The following KANK1 variants were observed in gnomAD, a reference collection of about 807,000 sequenced individuals.
KANK1 encodes KN motif and ankyrin repeat domains 1.
KANK1 carries 109 observed loss-of-function variants against 106.2 expected under a neutral mutation model. The ratio of observed to expected loss-of-function variants is 1.03; its 90% CI spans 0.88 to 1.20. The LOEUF (loss-of-function observed/expected upper bound fraction) is 1.20. Ranked by LOEUF, KANK1 falls within the 50% of genes most tolerant of loss-of-function variation. The pLI is 0.00. For missense variants in KANK1, 2,399 were observed against 1,710.7 expected (o/e 1.40, Z -7.10); for synonymous variants, 873 against 652.2 (o/e 1.34, Z -5.16).
chr9:590,393 A>C (rs1824552829), intron 1 of KANK1, among the ~76,000 whole-genome samples: 1 of 152,160 alleles, frequency 6.6e-6, no homozygotes, highest in African/African-American at 2.4e-5. Context: ...ATCCAACTCC[A>C]GTCTACGCTG....
At chr9:476,446 G>A (rs540478832) in intron 3 of KANK1, among the ~76,000 whole-genome samples, 20 of 151,528 alleles carry the variant, frequency 1.3e-4, no homozygotes, top group African/African-American at 3.4e-4. Flanking sequence ...GCTTGAACCC[G>A]GGAGGCAGAG....
At chr9:644,938 T>C (rs1355710210) in intron 1 of KANK1, among the ~76,000 whole-genome samples, 2 of 150,276 alleles carry the variant, frequency 1.3e-5, no homozygotes, top group African/African-American at 5.0e-5. Flanking sequence ...CTGGGCAACA[T>C]GGTGAAACCC....
At chr9:510,997 A>G (rs540975857) in intron 1 of KANK1, among the ~76,000 whole-genome samples, 91 of 152,344 alleles carry the variant, frequency 6.0e-4, no homozygotes, top group African/African-American at 2.1e-3. Context: ...GGTGGGGGAA[A>G]TCAGAGACTA....
At chr9:678,927 C>T (rs1043406143) in intron 2 of KANK1, among the ~76,000 whole-genome samples, 1 of 152,106 alleles carries the variant, frequency 6.6e-6, no homozygotes, top group Admixed American at 6.6e-5. Flanking sequence ...TGCCTCAAGA[C>T]CTCAACCTTC....
chr9:744,186 A>AATT lies in KANK1; in HGVS notation c.3898-303_3898-301dup, dbSNP rs1382577724. On this transcript the variant is annotated intron_variant, in intron 10 of 11. Coordinates refer to ENST00000382297, the MANE Select transcript of KANK1 (RefSeq NM_015158.5). ...TACTGCTGCTTGCCTGGTCATTCATAATTAATTAGAAGAAAAAAAAACTTT... is the reference window on the plus strand; with the variant it reads ...TACTGCTGCTTGCCTGGTCATTCATAATTATTAATTAGAAGAAAAAAAAACTTT... Among the ~76,000 whole-genome samples, 3 of 151,496 alleles carry AATT rather than the reference A, an allele frequency of 2.0e-5. No individual in the cohort carries two copies. In the East Asian group the frequency reaches 5.8e-4, roughly 30 times the overall value.
intron 1 of KANK1, among the ~76,000 whole-genome samples, chr9:590,202 C>G (rs911309571): frequency 6.6e-6 from 1 of 152,048 alleles, no homozygotes; most frequent in Admixed American, 6.6e-5. Context: ...TTAGGGGGTA[C>G]ATGGTTTTTT....
intron 1 of KANK1, among the ~76,000 whole-genome samples, chr9:519,017 A>G (rs1175527224): frequency 2.6e-5 from 4 of 151,298 alleles, no homozygotes; most frequent in Non-Finnish European, 5.9e-5. Context: ...CAGCCTCCCG[A>G]GTAGCTGGGA....
chr9:637,453 A>G (rs556562048), intron 1 of KANK1, among the ~76,000 whole-genome samples: 4 of 152,320 alleles, frequency 2.6e-5, no homozygotes, highest in Admixed American at 2.6e-4. Flanking sequence ...TTCTTGCAGC[A>G]AAGTTTCATA....
chr9:585,167 C>T (rs993083599), intron 1 of KANK1, among the ~76,000 whole-genome samples: 1 of 152,212 alleles, frequency 6.6e-6, no homozygotes, highest in Non-Finnish European at 1.5e-5. Context: ...TTCACTGTGT[C>T]TTCTACTGAT....
chr9:722,002 G>A (rs926514517), intron 3 of KANK1, among the ~76,000 whole-genome samples: 3 of 152,220 alleles, frequency 2.0e-5, no homozygotes, highest in African/African-American at 7.2e-5. Context: ...ACCCAAGGGG[G>A]TGGGGACATT....
chr9:697,775 G>A (rs1023552133), intron 2 of KANK1, among the ~76,000 whole-genome samples: 11 of 152,104 alleles, frequency 7.2e-5, no homozygotes, highest in African/African-American at 2.7e-4. Flanking sequence ...AATTATCCTA[G>A]ATTTGGCTAG....
At chr9:559,819 A>G (rs1180053354) in intron 1 of KANK1, among the ~76,000 whole-genome samples, 1 of 152,202 alleles carries the variant, frequency 6.6e-6, no homozygotes, top group Non-Finnish European at 1.5e-5. Context: ...GCTCTCTACC[A>G]TGTGCCCCAG....
chr9:534,875 T>C (rs775701252), intron 1 of KANK1, among the ~76,000 whole-genome samples: 7 of 152,184 alleles, frequency 4.6e-5, no homozygotes, highest in Non-Finnish European at 1.0e-4. Flanking sequence ...GTGGGAACAA[T>C]TAGTCTTTTA....
intron 3 of KANK1, among the ~76,000 whole-genome samples, chr9:714,484 T>C (rs1827141681): frequency 1.3e-5 from 2 of 150,638 alleles, no homozygotes; most frequent in Admixed American, 6.6e-5. Flanking sequence ...CTCAACCTCC[T>C]GAGTAGCTGG....
chr9:627,256 C>G (rs530116823), intron 1 of KANK1, among the ~76,000 whole-genome samples: 1 of 152,132 alleles, frequency 6.6e-6, no homozygotes, highest in Non-Finnish European at 1.5e-5. Flanking sequence ...GAACCCCAGT[C>G]TCCATTCCCT....
At chr9:599,520 A>T (rs994638643) in intron 1 of KANK1, among the ~76,000 whole-genome samples, 2 of 151,690 alleles carry the variant, frequency 1.3e-5, no homozygotes, top group African/African-American at 4.9e-5. Context: ...CTAAATTTTA[A>T]CTTACTATTT....
At chr9:705,473 A>T (rs1564019790) in intron 2 of KANK1, among the ~76,000 whole-genome samples, 1 of 151,910 alleles carries the variant, frequency 6.6e-6, no homozygotes, top group Non-Finnish European at 1.5e-5. Context: ...TTATTATGTT[A>T]TACTATATAT....
At chr9:504,779 C>CGCGCGCCGTGCCGCGCCCCGTGCCGCGCT (rs146273779) in intron 1 of KANK1, 25 bp downstream of exon 1, 3 of 140,918 alleles carry the variant, frequency 2.1e-5, no homozygotes, top group African/African-American at 8.1e-5. Flanking sequence ...GGGGCCGTGC[C>CGCGCGCCGTGCCGCGCCCCGTGCCGCGCT]GCGCCCCGTG....
At chr9:635,700 T>C (rs569423814) in intron 1 of KANK1, among the ~76,000 whole-genome samples, 5 of 128,944 alleles carry the variant, frequency 3.9e-5, no homozygotes, top group African/African-American at 1.3e-4. Context: ...TATTCTTTTT[T>C]TTTTTTTTTT....
Sources: gnomAD v4.1 joint callset for allele counts (sites outside exome capture counted in the v4.1 genomes callset) on GRCh38, gnomAD v4.1.1 for gene constraint, MANE v1.5 for transcripts, NCBI Gene and HGNC (gene_info 2026-07-23, HGNC 2026-07-21) for gene names.